Variants in FRMPD3 observed in about 807,000 individuals in gnomAD.
FRMPD3 encodes FERM and PDZ domain-containing protein 3.
Under a neutral mutation model 97.9 loss-of-function variants are expected in FRMPD3, and 42 were observed. That is an observed-to-expected ratio of 0.43 (90% CI 0.34 to 0.55). The LOEUF (loss-of-function observed/expected upper bound fraction) is 0.55, where lower values mean the gene tolerates loss of function less well. FRMPD3 is among the 20% of genes least tolerant of loss of function. The pLI, the probability that FRMPD3 is intolerant of heterozygous loss-of-function variation, is 0.03. For synonymous variants in FRMPD3, 577 were observed against 581.1 expected, an observed-to-expected ratio of 0.99 and a Z score of 0.10; for missense variants, 1,303 against 1,457.7, an observed-to-expected ratio of 0.89 and a Z score of 1.73.
intron 5 of FRMPD3, 62 bp downstream of exon 5, chrX:107,545,903 T>A: frequency 3.3e-6 from 3 of 918,883 alleles, no homozygotes; most frequent in Non-Finnish European, 4.7e-6. Context: ...GCTGTCAAGC[T>A]CTCGCTCTGG....
chrX:107,600,792 C>G lies in FRMPD3; in HGVS notation c.2753C>G (p.Thr918Arg), dbSNP rs1292231480. 13 of 1,206,142 alleles carry G rather than the reference C, an allele frequency of 1.1e-5. No homozygotes were observed. The highest frequency in any genetic ancestry group is 1.5e-5 in the Non-Finnish European group (13 of 893,515). ...AGLEMSLRAA[T>R]SSLSEEQVSE... ...CTAGAAATGTCACTGAGGGCAGCCA[C>G]ATCATCCCTCAGTGAAGAGCAGGTC... is the stretch of plus-strand genomic sequence containing the variant. The change falls in exon 15 of 15, where the codon ACA (threonine) becomes AGA (arginine). Residue 918 changes from threonine to arginine, a missense_variant. This residue lies in a region of FRMPD3 where 764 missense variants were observed against 820.2 expected (regional missense o/e 0.93). Transcript: ENST00000683843.
chrX:107,511,384 T>G (rs1179951790), intron 1 of FRMPD3, among the ~76,000 whole-genome samples: 1 of 112,487 alleles, frequency 8.9e-6, no homozygotes, highest in Non-Finnish European at 1.9e-5. Context: ...TGCAGTCATC[T>G]TCTAGAAAGC....
chrX:107,595,831 G>A (rs368602378), intron 13 of FRMPD3, among the ~76,000 whole-genome samples: 1 of 108,902 alleles, frequency 9.2e-6, no homozygotes, highest in South Asian at 4.0e-4. Flanking sequence ...CTGGCTACTC[G>A]GGAGGCTGAG....
At chrX:107,511,369 C>A (rs1439581433) in intron 1 of FRMPD3, among the ~76,000 whole-genome samples, 1 of 112,409 alleles carries the variant, frequency 8.9e-6, no homozygotes, top group Non-Finnish European at 1.9e-5. Context: ...CCTGCCATAC[C>A]CAGCTGCAGT....
chrX:107,569,934 G>A (rs969749184), intron 12 of FRMPD3, among the ~76,000 whole-genome samples: 1 of 109,187 alleles, frequency 9.2e-6, no homozygotes, highest in African/African-American at 3.4e-5. Context: ...GAGGATGGCT[G>A]GAGCCTAGGA....
Position 107,552,930 on chromosome X carries a change from A to G in FRMPD3, c.642+4A>G, listed in dbSNP as rs1921926264. The G allele has an allele frequency of 8.3e-7, 1 of 1,204,759 alleles. No individual in the cohort carries two copies. Among genetic ancestry groups the G allele is most frequent in the Non-Finnish European group, 1.1e-6 (1 of 892,436 alleles). ...GGACAAGCAACCCCTGGCTTATGTAAGTAACTCTTTTTTACAGATAGCTTT... is the reference window on the plus strand; with the variant it reads ...GGACAAGCAACCCCTGGCTTATGTAGGTAACTCTTTTTTACAGATAGCTTT... On this transcript the variant is annotated splice_donor_region_variant and intron_variant, in intron 7 of 14. Transcript: ENST00000683843.
intron 1 of FRMPD3, among the ~76,000 whole-genome samples, chrX:107,509,589 T>C (rs1225981189): frequency 8.9e-6 from 1 of 111,933 alleles, no homozygotes; most frequent in Non-Finnish European, 1.9e-5. Flanking sequence ...CTTAAACACC[T>C]AGAGGTTTCC....
chrX:107,555,471 G>A (rs1270742382), intron 8 of FRMPD3, among the ~76,000 whole-genome samples: 1 of 112,209 alleles, frequency 8.9e-6, no homozygotes, highest in East Asian at 2.8e-4. Context: ...TTAGGCCCCA[G>A]CCCAGTCCTA....
At chrX:107,458,457 C>A (rs1931414046) in intron 1 of FRMPD3, among the ~76,000 whole-genome samples, 1 of 111,545 alleles carries the variant, frequency 9.0e-6, no homozygotes, top group African/African-American at 3.3e-5. Context: ...AGAAGTTGAA[C>A]CTGCGTTATG....
rs1363585930 is a variant in FRMPD3 at position 107,503,211 on chromosome X, A to G, written c.-7-23371A>G. ...GAATAGCAGCACCAAGCCCATGTCCATAGTGCCAGCCCTGCCTCTCTGTTT... is the reference window on the plus strand; with the variant it reads ...GAATAGCAGCACCAAGCCCATGTCCGTAGTGCCAGCCCTGCCTCTCTGTTT... On this transcript the variant is annotated intron_variant, in intron 1 of 14. Coordinates refer to ENST00000683843, the MANE Select transcript of FRMPD3 (RefSeq NM_001388459.1). Among the ~76,000 whole-genome samples, 4 of 112,218 alleles carry G rather than the reference A, an allele frequency of 3.6e-5. No homozygotes were observed. The South Asian group carries it at 1.5e-3, about 42-fold the overall frequency.
rs1395596069 is a variant in FRMPD3 at position 107,560,764 on chromosome X, C to G, written c.937C>G (p.Leu313Val). The change falls in exon 10 of 15, where the codon CTC (leucine) becomes GTC (valine). Residue 313 changes from leucine to valine, a missense_variant. Leu to Val is a conservative substitution (Grantham distance 32). Transcript: ENST00000683843. Reference protein sequence around the residue: ...WGLEPFLPPSLLQVIKEKNLR... With the variant: ...WGLEPFLPPSVLQVIKEKNLR... Reference sequence around the variant, plus strand: ...CCTGGAACCCTTTCTTCCCCCCTCCCTCCTGCAGGTCATCAAAGAGAAGAA... The same window carrying G: ...CCTGGAACCCTTTCTTCCCCCCTCCGTCCTGCAGGTCATCAAAGAGAAGAA... The G allele has an allele frequency of 8.5e-7, 1 of 1,171,092 alleles. No homozygotes were observed. Among genetic ancestry groups the G allele is most frequent in the South Asian group, 1.9e-5 (1 of 52,842 alleles).
At chrX:107,545,912 G>A in intron 5 of FRMPD3, 71 bp downstream of exon 5, 1 of 849,581 alleles carries the variant, frequency 1.2e-6, no homozygotes, top group Non-Finnish European at 1.7e-6. Flanking sequence ...CTCTCGCTCT[G>A]GGGCTTCTTA....
chrX:107,452,455 A>G (rs978782930), intron 1 of FRMPD3, among the ~76,000 whole-genome samples: 2 of 112,333 alleles, frequency 1.8e-5, no homozygotes, highest in Admixed American at 1.9e-4. Flanking sequence ...ACCGCCTTGC[A>G]GTTGTGGGCT....
intron 1 of FRMPD3, among the ~76,000 whole-genome samples, chrX:107,452,533 G>A (rs1218242413): frequency 8.9e-6 from 1 of 111,886 alleles, no homozygotes; most frequent in Non-Finnish European, 1.9e-5. Flanking sequence ...TGGCCCTGAG[G>A]GTTTCCCAGA....
intron 1 of FRMPD3, among the ~76,000 whole-genome samples, chrX:107,475,995 T>C (rs1242855704): frequency 8.9e-6 from 1 of 112,426 alleles, no homozygotes; most frequent in Non-Finnish European, 1.9e-5. Context: ...GCGATTCTCC[T>C]GCCTCAGCCT....
At chrX:107,508,189 T>C (rs1446369670) in intron 1 of FRMPD3, among the ~76,000 whole-genome samples, 2 of 111,958 alleles carry the variant, frequency 1.8e-5, no homozygotes, top group African/African-American at 6.5e-5. Context: ...AGAAATATGA[T>C]GAGAATTTGG....
At chrX:107,538,113 T>C (rs112407966) in intron 4 of FRMPD3, among the ~76,000 whole-genome samples, 79 of 111,734 alleles carry the variant, frequency 7.1e-4, no homozygotes, top group Non-Finnish European at 1.3e-3. Context: ...CTCAGGCAAG[T>C]CACTTAACAC....
chrX:107,522,620 G>C, intron 1 of FRMPD3: 1 of 420,113 alleles, frequency 2.4e-6, no homozygotes, highest in Non-Finnish European at 4.1e-6. Context: ...GGATGGAGGA[G>C]GAACAGTCAC....
chrX:107,545,818 G>A lies in FRMPD3; in HGVS notation c.379G>A (p.Val127Met), dbSNP rs747657959. ...TGTGAAGGTTCGATTTTCTGAGCAGGTGGCAGTTGGAGAAACAGATGCAGT... is the reference window on the plus strand; with the variant it reads ...TGTGAAGGTTCGATTTTCTGAGCAGATGGCAGTTGGAGAAACAGATGCAGT... ...NPVKVRFSEQVAVGETDAKMM... is the reference protein window; with the variant it reads ...NPVKVRFSEQMAVGETDAKMM... The change falls in exon 5 of 15, where the codon GTG becomes ATG. Residue 127 changes from valine (V) to methionine (M), a missense_variant. By Grantham distance (21) the Val-to-Met change is conservative. Around this residue, in one of 3 missense-constraint regions of FRMPD3, gnomAD observed 535 missense variants for 618.6 expected, o/e 0.86. Transcript: ENST00000683843. The A allele has an allele frequency of 1.1e-5, 13 of 1,206,727 alleles. No individual in the cohort carries two copies. The highest frequency in any genetic ancestry group is 1.5e-5 in the Non-Finnish European group (13 of 893,112).
Sources: gnomAD v4.1 joint callset for allele counts (sites outside exome capture counted in the v4.1 genomes callset) on GRCh38, gnomAD v4.1.1 for gene constraint, gnomAD v4.1.1 regional missense constraint, MANE v1.5 for transcripts, NCBI Gene and HGNC (gene_info 2026-07-23, HGNC 2026-07-21) for gene names.